The following GTPBP10 variants were observed in gnomAD, a reference collection of about 807,000 sequenced individuals.
GTPBP10 encodes the protein GTP binding protein 10, also known as GTP-binding protein 10.
In GTPBP10, 38 loss-of-function variants were observed where a neutral mutation model predicts 44.8. That is an observed-to-expected ratio of 0.85 (90% confidence interval 0.65 to 1.11). The LOEUF (loss-of-function observed/expected upper bound fraction) is 1.11, where lower values mean the gene tolerates loss of function less well. Among genes scored for constraint, GTPBP10 ranks in the 50% most tolerant of loss-of-function variants. GTPBP10 has a pLI of 0.00. For synonymous variants in GTPBP10, 152 were observed against 150.6 expected, an observed-to-expected ratio of 1.01 and a Z score of -0.07; for missense variants, 462 against 453.7, an observed-to-expected ratio of 1.02 and a Z score of -0.17.
intron 7 of GTPBP10, chr7:90,377,901 TCATA>T (rs1451824284): frequency 1.5e-5 from 6 of 389,112 alleles, no homozygotes; most frequent in African/African-American, 1.3e-4. Context: ...GAGATTGTCT[TCATA>T]CAAATTGTCT....
intron 4 of GTPBP10, among the ~76,000 whole-genome samples, chr7:90,369,690 G>T (rs543248764): frequency 2.2e-4 from 34 of 152,214 alleles, no homozygotes; most frequent in African/African-American, 8.2e-4. Context: ...CAGTATTTAG[G>T]CAGGAGTGTA....
chr7:90,379,511 A>G (rs900916360), intron 8 of GTPBP10, among the ~76,000 whole-genome samples: 3 of 152,164 alleles, frequency 2.0e-5, no homozygotes, highest in Non-Finnish European at 4.4e-5. Context: ...CCTAGATGCT[A>G]TATTTCAGCC....
intron 1 of GTPBP10, chr7:90,347,474 C>CAGA (rs1795701019): frequency 4.1e-6 from 1 of 241,128 alleles, no homozygotes; most frequent in Admixed American, 6.5e-5. Context: ...TCGAGTATAT[C>CAGA]AGAATGGTCA....
chr7:90,354,371 C>A, intron 2 of GTPBP10, 87 bp from the exon 3 acceptor site: 1 of 576,002 alleles, frequency 1.7e-6, no homozygotes, highest in Non-Finnish European at 2.8e-6. Flanking sequence ...GATTGCTACT[C>A]TTCTTTGTAA....
intron 7 of GTPBP10, 32 bp downstream of exon 7, chr7:90,377,646 A>G (rs1796363644): frequency 7.4e-7 from 1 of 1,353,032 alleles, no homozygotes; most frequent in Non-Finnish European, 1.0e-6. Flanking sequence ...GTGATATTCA[A>G]ATAAATTGAA....
rs772294861 is a variant in GTPBP10, at chr7:90,390,714, A to T, written c.*5560A>T. On this transcript the variant is annotated 3_prime_UTR_variant, in exon 10 of 10. Coordinates refer to ENST00000222511, the MANE Select transcript of GTPBP10 (RefSeq NM_033107.4). ...CAAAGGACAAAAGCTTCCTTTGTTC[A>T]TGGCCCATATTCCAGTATATTTTTC... is the stretch of plus-strand genomic sequence containing the variant. 6.6e-6 allele frequency: 1 copy of T among 152,186 alleles called. No individual in the cohort carries two copies. Among genetic ancestry groups the T allele is most frequent in the Non-Finnish European group, 1.5e-5 (1 of 68,024 alleles). The allele number at this position is 152,186 out of a possible 1,614,324, so 9.4% of individuals were successfully genotyped here.
At chr7:90,361,766 T>G (rs1435389070) in intron 4 of GTPBP10, among the ~76,000 whole-genome samples, 1 of 152,152 alleles carries the variant, frequency 6.6e-6, no homozygotes, top group Non-Finnish European at 1.5e-5. Context: ...GTCCTGGACT[T>G]TTTTTGGTTG....
At chr7:90,354,384 C>A (rs1795851765) in intron 2 of GTPBP10, 74 bp from the exon 3 acceptor site, 1 of 622,422 alleles carries the variant, frequency 1.6e-6, no homozygotes, top group Non-Finnish European at 2.6e-6. Flanking sequence ...CTTTGTAAAC[C>A]ATTTTGTGTG....
rs1000352131 is a variant in GTPBP10 at position 90,385,652 on chromosome 7, T to G, written c.*498T>G. On this transcript the variant is annotated 3_prime_UTR_variant, in exon 10 of 10. Coordinates refer to ENST00000222511, the MANE Select transcript of GTPBP10 (RefSeq NM_033107.4). ...TATTTAATTTTTTTATTTTGAAAGT[T>G]TTTTCACAGATCTTTTTTTTAGTAT... 3.3e-5 allele frequency: 5 copies of G among 152,240 alleles called. No homozygotes were observed. Among genetic ancestry groups the G allele is most frequent in the African/African-American group, 1.2e-4 (5 of 41,452 alleles). The allele number at this position is 152,240 out of a possible 1,614,324, so 9.4% of individuals were successfully genotyped here.
At chr7:90,356,926 A>G (rs1206117058) in intron 4 of GTPBP10, among the ~76,000 whole-genome samples, 2 of 152,328 alleles carry the variant, frequency 1.3e-5, no homozygotes, top group East Asian at 3.9e-4. Context: ...AAGCATCAAG[A>G]TTCTTAAGCA....
chr7:90,359,400 TCTTTC>T (rs949606189), intron 4 of GTPBP10, among the ~76,000 whole-genome samples: 1 of 152,218 alleles, frequency 6.6e-6, no homozygotes, highest in Non-Finnish European at 1.5e-5. Context: ...TGTTTGGTTT[TCTTTC>T]CTTATGGTAG....
intron 9 of GTPBP10, among the ~76,000 whole-genome samples, chr7:90,384,018 C>T (rs916209065): frequency 1.3e-5 from 2 of 152,076 alleles, no homozygotes; most frequent in Non-Finnish European, 2.9e-5. Flanking sequence ...ATGACATTTG[C>T]TTTGTATGGT....
rs555787016 is a variant in GTPBP10 at position 90,368,417 on chromosome 7, G to A, written c.465-3738G>A. On this transcript the variant is annotated intron_variant, in intron 4 of 9. Transcript: ENST00000222511. ...ATTCTCCCAGTCACTTTCAGGTACA[G>A]TACACTAATCAGACATAGATTTGGT... Among the ~76,000 whole-genome samples, 19 of 152,212 alleles carry A rather than the reference G, an allele frequency of 1.2e-4. No individual in the cohort carries two copies. The South Asian group carries it at 3.9e-3, about 32-fold the overall frequency.
chr7:90,371,959 A>G (rs1257893562), intron 4 of GTPBP10, among the ~76,000 whole-genome samples, 196 bp from the exon 5 acceptor site: 1 of 152,100 alleles, frequency 6.6e-6, no homozygotes, highest in Non-Finnish European at 1.5e-5. Flanking sequence ...TTAAATATTG[A>G]AACATCTTCA....
intron 8 of GTPBP10, among the ~76,000 whole-genome samples, chr7:90,381,260 A>G (rs1010164525): frequency 1.3e-5 from 2 of 152,206 alleles, no homozygotes; most frequent in Non-Finnish European, 2.9e-5. Context: ...AACGGTGTTC[A>G]AGAGTTCCTC....
rs187056612 is a variant in GTPBP10, at chr7:90,385,679, A to G, written c.*525A>G. 1.3e-5 allele frequency: 2 copies of G among 151,966 alleles called. No individual in the cohort carries two copies. Among genetic ancestry groups the G allele is most frequent in the East Asian group, 3.9e-4 (2 of 5,186 alleles). 9.4% of individuals were successfully genotyped at this position (151,966 alleles called of 1,614,324 possible). A position where few individuals can be genotyped will look rare whatever the true frequency, so the allele number is the denominator to read the frequency against. ...TTTCACAGATCTTTTTTTTAGTATTATTACCTTCTGATATATGTGTCATTA... is the reference window on the plus strand; with the variant it reads ...TTTCACAGATCTTTTTTTTAGTATTGTTACCTTCTGATATATGTGTCATTA... On this transcript the variant is annotated 3_prime_UTR_variant, in exon 10 of 10. Transcript: ENST00000222511.
chr7:90,352,960 G>GAC lies in GTPBP10; in HGVS notation c.180_181dup (p.Arg61ThrfsTer12), dbSNP rs779688490. On this transcript the variant is annotated frameshift_variant, in exon 2 of 10. Transcript: ENST00000222511. LOFTEE classifies it high-confidence loss of function. ...CAGAATGACTTTAAAACAACTTAAA[G>GAC]ACAGGTATCCTCGGAAACGGTTTGT... 1 of 1,613,110 alleles carries GAC rather than the reference G, an allele frequency of 6.2e-7. No homozygotes were observed. The highest frequency in any genetic ancestry group is 8.5e-7 in the Non-Finnish European group (1 of 1,179,512).
At chr7:90,371,298 AG>A (rs1480662487) in intron 4 of GTPBP10, 25 of 308,300 alleles carry the variant, frequency 8.1e-5, no homozygotes, top group African/African-American at 5.4e-4. Flanking sequence ...ATAGGAAATT[AG>A]TTAAGTAAAT....
At position 90,390,201 on chromosome 7, in the gene GTPBP10, ATAGG is replaced by A. The variant is rs1186449503; in HGVS notation, c.*5051_*5054del. 1 of 152,222 alleles carries A rather than the reference ATAGG, an allele frequency of 6.6e-6. No homozygotes were observed. Among genetic ancestry groups the A allele is most frequent in the Non-Finnish European group, 1.5e-5 (1 of 68,062 alleles). 9.4% of individuals were successfully genotyped at this position (152,222 alleles called of 1,614,324 possible). A position where few individuals can be genotyped will look rare whatever the true frequency, so the allele number is the denominator to read the frequency against. On this transcript the variant is annotated 3_prime_UTR_variant, in exon 10 of 10. Coordinates refer to ENST00000222511, the MANE Select transcript of GTPBP10 (RefSeq NM_033107.4). ...CCAGCTGAAGAAAAAGCAAAATGAA[ATAGG>A]TAGTAGAAATGAGAAAGGGAGAGAG...
Sources: gnomAD v4.1 joint callset for allele counts (sites outside exome capture counted in the v4.1 genomes callset) on GRCh38, gnomAD v4.1.1 for gene constraint, MANE v1.5 for transcripts, NCBI Gene and HGNC (gene_info 2026-07-23, HGNC 2026-07-21) for gene names.